RBKS: variants seen among roughly 807,000 people sequenced by gnomAD.
RBKS encodes ribokinase.
In RBKS, 33 loss-of-function variants were observed where a neutral mutation model predicts 33.9. The ratio of observed to expected loss-of-function variants is 0.97; its 90% confidence interval spans 0.74 to 1.30. The LOEUF is 1.30. Among genes scored for constraint, RBKS ranks in the 50% most tolerant of loss-of-function variants. The pLI is 0.00. For missense variants in RBKS, 361 were observed against 392.6 expected (o/e 0.92, Z 0.68); for synonymous variants, 125 against 143.0 (o/e 0.87, Z 0.90).
chr2:27,840,362 G>A (rs575821465), intron 5 of RBKS, among the ~76,000 whole-genome samples: 12,092 of 89,910 alleles, frequency 0.13, 621 homozygotes, highest in African/African-American at 0.23. Context: ...ACACGCGCGC[G>A]CGCACACACA....
chr2:27,842,461 A>G (rs1573059309), intron 5 of RBKS, among the ~76,000 whole-genome samples: 1 of 152,330 alleles, frequency 6.6e-6, no homozygotes, highest in South Asian at 2.1e-4. Context: ...GAAAGATGAT[A>G]AAGTTTTACA....
At chr2:27,821,040 C>CAAAAAA (rs59964452) in intron 7 of RBKS, among the ~76,000 whole-genome samples, 3 of 68,404 alleles carry the variant, frequency 4.4e-5, no homozygotes, top group Non-Finnish European at 6.5e-5. Context: ...AACTCCATCT[C>CAAAAAA]AAAAAAAAAA....
chr2:27,784,500 T>C (rs894286471), intron 7 of RBKS, among the ~76,000 whole-genome samples: 3 of 152,220 alleles, frequency 2.0e-5, no homozygotes, highest in African/African-American at 4.8e-5. Flanking sequence ...TAAATAGTAT[T>C]GCAGAATTTA....
intron 1 of RBKS, among the ~76,000 whole-genome samples, chr2:27,881,963 C>T (rs1371992675): frequency 6.6e-6 from 1 of 152,046 alleles, no homozygotes; most frequent in African/African-American, 2.4e-5. Flanking sequence ...CTATAAAAAC[C>T]CTGGAAGACA....
intron 1 of RBKS, among the ~76,000 whole-genome samples, chr2:27,884,547 C>T (rs1221739487): frequency 6.6e-6 from 1 of 151,888 alleles, no homozygotes; most frequent in Admixed American, 6.6e-5. Context: ...TATGCCTGGC[C>T]ATAACTTTTT....
intron 7 of RBKS, among the ~76,000 whole-genome samples, chr2:27,794,305 A>AAATAATAATAAT (rs70953884): frequency 3.5e-4 from 48 of 137,732 alleles, no homozygotes; most frequent in East Asian, 2.0e-3. Flanking sequence ...CCCCCCCACA[A>AAATAATAATAAT]AATAATAATA....
intron 1 of RBKS, among the ~76,000 whole-genome samples, chr2:27,878,256 C>A (rs1490708905): frequency 6.6e-6 from 1 of 151,872 alleles, no homozygotes; most frequent in African/African-American, 2.4e-5. Flanking sequence ...TGTTCAGTTC[C>A]CACCTATGAG....
At chr2:27,800,930 G>A (rs12473340) in intron 7 of RBKS, among the ~76,000 whole-genome samples, 39,957 of 151,996 alleles carry the variant, frequency 0.26, 6,020 homozygotes, top group East Asian at 0.62. Context: ...GACGTGCAGA[G>A]GGAGAACACT....
chr2:27,820,522 G>C (rs982614606), intron 7 of RBKS, among the ~76,000 whole-genome samples: 18 of 151,694 alleles, frequency 1.2e-4, no homozygotes, highest in East Asian at 2.0e-4. Context: ...ATTTTTGTAG[G>C]ATAGACTCTT....
intron 1 of RBKS, among the ~76,000 whole-genome samples, chr2:27,887,818 T>C (rs1334114152): frequency 6.6e-6 from 1 of 152,184 alleles, no homozygotes; most frequent in East Asian, 1.9e-4. Flanking sequence ...GGATATTTTA[T>C]GAAGGAAAGA....
At chr2:27,857,609 G>A (rs1469895681) in intron 2 of RBKS, among the ~76,000 whole-genome samples, 1 of 152,192 alleles carries the variant, frequency 6.6e-6, no homozygotes. Context: ...GTTTCCAAAA[G>A]CTGTGTTGCT....
At chr2:27,863,845 C>G (rs1349216333) in intron 1 of RBKS, among the ~76,000 whole-genome samples, 1 of 152,204 alleles carries the variant, frequency 6.6e-6, no homozygotes, top group African/African-American at 2.4e-5. Context: ...ATTTAAAAGG[C>G]TGAGAGTAAT....
chr2:27,789,142 A>C (rs1305353931), intron 7 of RBKS, among the ~76,000 whole-genome samples: 3 of 152,218 alleles, frequency 2.0e-5, no homozygotes, highest in African/African-American at 7.2e-5. Flanking sequence ...TGATAACTTG[A>C]TAGAAGAGTC....
intron 1 of RBKS, among the ~76,000 whole-genome samples, chr2:27,879,383 A>T (rs1416243678): frequency 6.6e-6 from 1 of 152,132 alleles, no homozygotes; most frequent in African/African-American, 2.4e-5. Flanking sequence ...GAGACTTTTA[A>T]GTGGAGTTTA....
At chr2:27,876,434 T>A (rs144143761) in intron 1 of RBKS, among the ~76,000 whole-genome samples, 122 of 152,352 alleles carry the variant, frequency 8.0e-4, no homozygotes, top group African/African-American at 2.8e-3. Flanking sequence ...TGGTAGACTG[T>A]TCCACAGGTT....
chr2:27,875,769 G>C (rs1664302007), intron 1 of RBKS, among the ~76,000 whole-genome samples: 1 of 152,124 alleles, frequency 6.6e-6, no homozygotes. Flanking sequence ...CCACAAAAAT[G>C]CTGGGGCTGA....
At position 27,836,078 on chromosome 2, in the gene RBKS, G is replaced by C. The variant is rs532465709; in HGVS notation, c.515-3301C>G. 1.5e-4 allele frequency among the ~76,000 whole-genome samples: 23 copies of C among 152,178 alleles called. No homozygotes were observed. In the South Asian group the frequency reaches 4.6e-3, roughly 30 times the overall value. On this transcript the variant is annotated intron_variant, in intron 5 of 7. Transcript: ENST00000302188. Reference sequence around the variant, plus strand: ...AAAATACAAAAATTTGCCAGGCGTGGTGGCATGCGCTTGTTAGTCCCAGCT... The same window carrying C: ...AAAATACAAAAATTTGCCAGGCGTGCTGGCATGCGCTTGTTAGTCCCAGCT...
chr2:27,858,254 T>C (rs370861450), intron 2 of RBKS, among the ~76,000 whole-genome samples, 185 bp downstream of exon 2: 1 of 152,216 alleles, frequency 6.6e-6, no homozygotes, highest in Non-Finnish European at 1.5e-5. Context: ...GATTTTGTTT[T>C]GGAATGATGG....
intron 7 of RBKS, among the ~76,000 whole-genome samples, chr2:27,821,280 C>T (rs1318848751): frequency 2.0e-5 from 3 of 151,766 alleles, no homozygotes; most frequent in Non-Finnish European, 4.4e-5. Context: ...TGTCTCATTT[C>T]TTTATTTTTT....
Sources: gnomAD v4.1 joint callset for allele counts (sites outside exome capture counted in the v4.1 genomes callset) on GRCh38, gnomAD v4.1.1 for gene constraint, MANE v1.5 for transcripts, NCBI Gene and HGNC (gene_info 2026-07-23, HGNC 2026-07-21) for gene names.